The following HTR4 variants were observed in gnomAD, a reference collection of about 807,000 sequenced individuals.
The protein encoded by HTR4 is 5-hydroxytryptamine (serotonin) receptor 4, G protein-coupled.
In HTR4, 16 loss-of-function variants were observed where a neutral mutation model predicts 36.8. That is an observed-to-expected ratio of 0.43 (90% CI 0.29 to 0.66). The LOEUF is 0.66. Among genes scored for constraint, HTR4 ranks in the 30% least tolerant of loss-of-function variants. HTR4 has a pLI of 0.13. For synonymous variants in HTR4, 189 were observed against 185.1 expected, an observed-to-expected ratio of 1.02 and a Z score of -0.17; for missense variants, 438 against 490.9, an observed-to-expected ratio of 0.89 and a Z score of 1.02.
chr5:148,567,537 A>T (rs1382313208), intron 2 of HTR4, among the ~76,000 whole-genome samples: 2 of 151,972 alleles, frequency 1.3e-5, no homozygotes, highest in Non-Finnish European at 2.9e-5. Flanking sequence ...ATATACCAGG[A>T]TATAAGGAAC....
intron 6 of HTR4, among the ~76,000 whole-genome samples, chr5:148,491,074 T>G (rs1389813287): frequency 1.3e-5 from 2 of 152,100 alleles, no homozygotes; most frequent in African/African-American, 2.4e-5. Context: ...TAAACACACA[T>G]TTACATGGGA....
intron 4 of HTR4, among the ~76,000 whole-genome samples, chr5:148,548,464 T>G (rs1759494797): frequency 6.6e-6 from 1 of 152,222 alleles, no homozygotes; most frequent in Non-Finnish European, 1.5e-5. Flanking sequence ...CTTACTAATC[T>G]GTGCATCTAC....
At chr5:148,536,765 C>A (rs1306688406) in intron 4 of HTR4, among the ~76,000 whole-genome samples, 1 of 152,158 alleles carries the variant, frequency 6.6e-6, no homozygotes, top group Admixed American at 6.6e-5. Flanking sequence ...TACAAAGAGA[C>A]AACAATGCCC....
chr5:148,580,201 A>C (rs1045372487), intron 2 of HTR4, among the ~76,000 whole-genome samples: 3 of 152,034 alleles, frequency 2.0e-5, no homozygotes, highest in African/African-American at 7.2e-5. Context: ...CCAAGTACTG[A>C]TTATGCTCAG....
At chr5:148,519,549 C>T (rs181256519) in intron 5 of HTR4, among the ~76,000 whole-genome samples, 9 of 152,260 alleles carry the variant, frequency 5.9e-5, no homozygotes, top group Non-Finnish European at 7.4e-5. Flanking sequence ...CATCATTAGG[C>T]ATAGATTCCA....
intron 4 of HTR4, among the ~76,000 whole-genome samples, chr5:148,531,677 T>C (rs758619404): frequency 3.3e-5 from 5 of 152,226 alleles, no homozygotes; most frequent in Admixed American, 2.0e-4. Flanking sequence ...CTTAAGGGCA[T>C]CCTAAAGTTA....
chr5:148,601,067 G>A (rs1761978826), intron 2 of HTR4, among the ~76,000 whole-genome samples: 1 of 105,060 alleles, frequency 9.5e-6, no homozygotes, highest in African/African-American at 3.7e-5. Flanking sequence ...GAAGACATAA[G>A]AATGGCCAAG....
intron 2 of HTR4, among the ~76,000 whole-genome samples, chr5:148,558,760 T>A (rs1760064986): frequency 6.6e-6 from 1 of 152,184 alleles, no homozygotes; most frequent in Admixed American, 6.5e-5. Context: ...GTAGTGAAGT[T>A]GAAGTCAGAT....
rs769644457 is a variant in HTR4 at position 148,509,843 on chromosome 5, T to C, written c.689A>G (p.Gln230Arg). The part of the protein sequence containing the change: ...KEHAHQIQML[Q>R]RAGASSESRP... Reference sequence around the variant, plus strand: ...GCTCTCGGAGGAGGCTCCTGCCCGTTGTAACATCTGGATCTGATGGGCATG... The same window carrying C: ...GCTCTCGGAGGAGGCTCCTGCCCGTCGTAACATCTGGATCTGATGGGCATG... Residue 230 changes from glutamine to arginine, a missense_variant, in exon 6 of 7, where the codon CAA (glutamine) becomes CGA (arginine). By Grantham distance (43) the Gln-to-Arg change is conservative. Coordinates refer to ENST00000377888, the MANE Select transcript of HTR4 (RefSeq NM_000870.7). 6.2e-7 allele frequency: 1 copy of C among 1,614,012 alleles called. No individual in the cohort carries two copies. The highest frequency in any genetic ancestry group is 8.5e-7 in the Non-Finnish European group (1 of 1,179,992).
rs938225837 is a variant in HTR4 at position 148,598,406 on chromosome 5, G to T, written c.26+38583C>A. Among the ~76,000 whole-genome samples the T allele has an allele frequency of 3.3e-5, 5 of 152,040 alleles. No homozygotes were observed. In the East Asian group the frequency reaches 7.7e-4, roughly 23 times the overall value. On this transcript the variant is annotated intron_variant, in intron 2 of 6. Coordinates refer to ENST00000377888, the MANE Select transcript of HTR4 (RefSeq NM_000870.7). ...CTAAAAATACAAAAATTAGCCAGGT[G>T]TGATGGCACACGCCTGAGTCCCAGG...
chr5:148,540,015 A>G (rs1253964844), intron 4 of HTR4, among the ~76,000 whole-genome samples: 1 of 152,154 alleles, frequency 6.6e-6, no homozygotes, highest in East Asian at 1.9e-4. Context: ...TGTGGTACAT[A>G]TACACTATGG....
At chr5:148,490,921 C>A in intron 6 of HTR4, 1 of 441,204 alleles carries the variant, frequency 2.3e-6, no homozygotes, top group Non-Finnish European at 4.5e-6. Context: ...GTTCCTTCTA[C>A]TGTTATTTAT....
intron 6 of HTR4, among the ~76,000 whole-genome samples, chr5:148,504,091 A>G (rs1265102625): frequency 6.6e-6 from 1 of 152,240 alleles, no homozygotes; most frequent in Admixed American, 6.5e-5. Context: ...TCAATGAGAC[A>G]GAAAGTTAAC....
intron 5 of HTR4, among the ~76,000 whole-genome samples, chr5:148,512,046 G>T (rs1345011440): frequency 6.6e-6 from 1 of 152,166 alleles, no homozygotes; most frequent in Non-Finnish European, 1.5e-5. Context: ...CTGAGTTTCT[G>T]CATCTGTTTC....
chr5:148,470,477 G>A (rs1439702851), intron 5 of HTR4, among the ~76,000 whole-genome samples: 1 of 152,150 alleles, frequency 6.6e-6, no homozygotes, highest in Non-Finnish European at 1.5e-5. Context: ...TCTGTGAAGG[G>A]CTAGATGTAA....
chr5:148,487,829 A>T (rs1276114510), intron 6 of HTR4, among the ~76,000 whole-genome samples: 3 of 152,186 alleles, frequency 2.0e-5, no homozygotes, highest in Non-Finnish European at 4.4e-5. Context: ...CCAGAGATAG[A>T]AGTCCCTGCT....
intron 1 of HTR4, among the ~76,000 whole-genome samples, chr5:148,647,498 C>T (rs1753907277): frequency 6.6e-6 from 1 of 152,184 alleles, no homozygotes; most frequent in Non-Finnish European, 1.5e-5. Flanking sequence ...ACTACCTGAA[C>T]TTTAGTGAGT....
At chr5:148,490,146 TATATATA>T (rs1483449306) in intron 6 of HTR4, among the ~76,000 whole-genome samples, 2 of 148,212 alleles carry the variant, frequency 1.3e-5, no homozygotes, top group African/African-American at 4.9e-5. Flanking sequence ...TATACATGTA[TATATATA>T]ATATATAATA....
At chr5:148,466,014 G>C in intron 5 of HTR4, 6 of 1,565,612 alleles carry the variant, frequency 3.8e-6, no homozygotes, top group Non-Finnish European at 5.2e-6. Context: ...ATAGAGATTA[G>C]TAGACACATG....
Sources: allele counts gnomAD v4.1 joint callset (sites outside exome capture counted in the v4.1 genomes callset), GRCh38; gene constraint gnomAD v4.1.1; transcripts MANE v1.5; gene names NCBI Gene and HGNC (gene_info 2026-07-23, HGNC 2026-07-21).